The following LRCH1 variants were observed in gnomAD, a reference collection of about 807,000 sequenced individuals.
LRCH1 encodes the protein leucine rich repeats and calponin homology domain containing 1.
LRCH1 carries 23 observed loss-of-function variants against 94.9 expected under a neutral mutation model. The ratio of observed to expected loss-of-function variants is 0.24; its 90% CI spans 0.17 to 0.34. The LOEUF is 0.34. Among genes scored for constraint, LRCH1 ranks in the 10% least tolerant of loss-of-function variants. LRCH1 has a pLI of 1.00. For missense variants in LRCH1, 790 were observed against 945.9 expected, an observed-to-expected ratio of 0.84 and a Z score of 2.16; for synonymous variants, 364 against 354.9, an observed-to-expected ratio of 1.03 and a Z score of -0.29.
intron 1 of LRCH1, among the ~76,000 whole-genome samples, chr13:46,640,668 T>G (rs1166693751): frequency 6.6e-6 from 1 of 152,250 alleles, no homozygotes; most frequent in Non-Finnish European, 1.5e-5. Context: ...ACAAAGCTCC[T>G]AATCTTCATG....
At chr13:46,603,589 C>A (rs1403783868) in intron 1 of LRCH1, among the ~76,000 whole-genome samples, 2 of 152,144 alleles carry the variant, frequency 1.3e-5, no homozygotes, top group Middle Eastern at 3.2e-3. Flanking sequence ...TATTAGAAAC[C>A]ATTTTAAGCA....
At chr13:46,564,917 T>A (rs1427813630) in intron 1 of LRCH1, among the ~76,000 whole-genome samples, 1 of 152,274 alleles carries the variant, frequency 6.6e-6, no homozygotes, top group East Asian at 1.9e-4. Context: ...TTAATTTCCA[T>A]GGGGCTATGT....
chr13:46,637,706 T>G (rs2051108992), intron 1 of LRCH1, among the ~76,000 whole-genome samples: 1 of 108,998 alleles, frequency 9.2e-6, no homozygotes, highest in African/African-American at 3.3e-5. Context: ...TCTCCCGCAC[T>G]TCGTAGTTTT....
At chr13:46,612,353 G>T (rs2050757022) in intron 1 of LRCH1, among the ~76,000 whole-genome samples, 1 of 152,160 alleles carries the variant, frequency 6.6e-6, no homozygotes, top group Admixed American at 6.5e-5. Flanking sequence ...GGTTATGAAG[G>T]TATGAACATA....
At chr13:46,556,462 AGGTGAAAC>A (rs1185383736) in intron 1 of LRCH1, among the ~76,000 whole-genome samples, 2 of 152,230 alleles carry the variant, frequency 1.3e-5, no homozygotes, top group African/African-American at 4.8e-5. Flanking sequence ...GTCTTTTAAT[AGGTGAAAC>A]GGGGAAAGAA....
At chr13:46,669,212 T>C (rs548253201) in intron 3 of LRCH1, 56 bp downstream of exon 3, 1 of 1,591,690 alleles carries the variant, frequency 6.3e-7, no homozygotes, top group South Asian at 1.1e-5. Context: ...TCATAGCCTC[T>C]CAAGGTATTC....
intron 5 of LRCH1, 143 bp downstream of exon 5, chr13:46,686,184 A>G (rs1870604949): frequency 1.6e-5 from 13 of 795,978 alleles, no homozygotes; most frequent in Non-Finnish European, 2.1e-5. Flanking sequence ...AAAAGGCATC[A>G]AAATTTATTA....
intron 1 of LRCH1, among the ~76,000 whole-genome samples, chr13:46,584,611 T>C (rs1950215079): frequency 1.3e-5 from 2 of 152,242 alleles, no homozygotes; most frequent in Admixed American, 6.5e-5. Context: ...TCAGCTCCTG[T>C]TGGAGCCTGT....
At position 46,562,077 on chromosome 13, in the gene LRCH1, G is replaced by A. The variant is rs77388368; in HGVS notation, c.307+8374G>A. On this transcript the variant is annotated intron_variant, in intron 1 of 19. Coordinates refer to ENST00000389797, the MANE Select transcript of LRCH1 (RefSeq NM_001164211.2). Reference sequence around the variant, plus strand: ...CAGAAAATGCTAGAAAAACATTGATGGATTACTCTCTTTCCTCTTTCCTAC... The same window carrying A: ...CAGAAAATGCTAGAAAAACATTGATAGATTACTCTCTTTCCTCTTTCCTAC... Among the ~76,000 whole-genome samples, 1,372 of 152,116 alleles carry A rather than the reference G, an allele frequency of 9.0e-3. 16 individuals are homozygous for A. Among genetic ancestry groups the A allele is most frequent in the African/African-American group, 0.031 (1,267 of 41,458 alleles).
intron 1 of LRCH1, among the ~76,000 whole-genome samples, chr13:46,598,525 A>T (rs998468337): frequency 1.3e-5 from 2 of 151,998 alleles, no homozygotes; most frequent in African/African-American, 4.8e-5. Context: ...ATTTCAATAA[A>T]TTTAAGGGGA....
At chr13:46,734,143 A>G in intron 19 of LRCH1, 145 bp downstream of exon 19, 1 of 437,220 alleles carries the variant, frequency 2.3e-6, no homozygotes, top group Non-Finnish European at 4.1e-6. Flanking sequence ...TAAATTATAT[A>G]AACTTTAACT....
At chr13:46,642,476 G>C (rs559556291) in intron 1 of LRCH1, among the ~76,000 whole-genome samples, 33 of 152,302 alleles carry the variant, frequency 2.2e-4, no homozygotes, top group African/African-American at 7.7e-4. Context: ...TGCCTCGCTA[G>C]GTTGTGATGA....
At position 46,675,990 on chromosome 13, in the gene LRCH1, G is replaced by A. The variant is rs147528598; in HGVS notation, c.580-5751G>A. On this transcript the variant is annotated intron_variant, in intron 3 of 19. Transcript: ENST00000389797. Reference sequence around the variant, plus strand: ...GAACATATTTTCTTTTTAAGACAGCGAGTTCTGGCCGGGTGCGGTGGCTCA... The same window carrying A: ...GAACATATTTTCTTTTTAAGACAGCAAGTTCTGGCCGGGTGCGGTGGCTCA... 5.7e-3 allele frequency among the ~76,000 whole-genome samples: 862 copies of A among 152,314 alleles called. 2 individuals carry two copies. The highest frequency in any genetic ancestry group is 9.6e-3 in the Non-Finnish European group (652 of 68,028).
At chr13:46,721,910 A>C (rs1003996087) in intron 16 of LRCH1, among the ~76,000 whole-genome samples, 1 of 152,252 alleles carries the variant, frequency 6.6e-6, no homozygotes, top group Non-Finnish European at 1.5e-5. Flanking sequence ...GAAAGAAAAT[A>C]CTGAGATGTG....
chr13:46,643,432 C>T (rs947519781), intron 1 of LRCH1, among the ~76,000 whole-genome samples: 1 of 152,174 alleles, frequency 6.6e-6, no homozygotes, highest in Non-Finnish European at 1.5e-5. Context: ...CTTCCTTTCT[C>T]TCTTTTTCTC....
At chr13:46,689,524 C>G (rs150994091) in intron 7 of LRCH1, among the ~76,000 whole-genome samples, 17 of 152,090 alleles carry the variant, frequency 1.1e-4, no homozygotes, top group Non-Finnish European at 2.4e-4. Context: ...CGCAAGTGCC[C>G]GTGAAGCACT....
At chr13:46,712,446 T>C (rs1337652198) in intron 14 of LRCH1, 79 bp from the exon 15 acceptor site, 17 of 1,147,942 alleles carry the variant, frequency 1.5e-5, no homozygotes, top group Non-Finnish European at 2.2e-5. Context: ...GTTACAATCC[T>C]TGAACATAGA....
At chr13:46,687,349 A>G (rs748789389) in intron 5 of LRCH1, among the ~76,000 whole-genome samples, 7 of 152,212 alleles carry the variant, frequency 4.6e-5, no homozygotes, top group Non-Finnish European at 1.0e-4. Flanking sequence ...TCTCCAGCTC[A>G]AATGTTAAAC....
At chr13:46,738,164 C>G (rs1194626914) in intron 19 of LRCH1, among the ~76,000 whole-genome samples, 1 of 152,202 alleles carries the variant, frequency 6.6e-6, no homozygotes, top group Non-Finnish European at 1.5e-5. Context: ...ACTCAGCTGA[C>G]AGTGGTAGCC....
Sources: gnomAD v4.1 joint callset for allele counts (sites outside exome capture counted in the v4.1 genomes callset) on GRCh38, gnomAD v4.1.1 for gene constraint, MANE v1.5 for transcripts, NCBI Gene and HGNC (gene_info 2026-07-23, HGNC 2026-07-21) for gene names.